Variants in ZNF385D observed in about 807,000 individuals in gnomAD.
ZNF385D encodes zinc finger protein 659.
Under a neutral mutation model 35.8 loss-of-function variants are expected in ZNF385D, and 15 were observed. The observed-to-expected ratio is 0.42, with a 90% CI of 0.28 to 0.64. The LOEUF (loss-of-function observed/expected upper bound fraction) is 0.64. ZNF385D is among the 30% of genes least tolerant of loss of function. The pLI is 0.23. For missense variants in ZNF385D, 474 were observed against 494.6 expected, an observed-to-expected ratio of 0.96 and a Z score of 0.39; for synonymous variants, 212 against 186.8, an observed-to-expected ratio of 1.13 and a Z score of -1.10.
At position 21,889,633 on chromosome 3, in the gene ZNF385D, A is replaced by G. The variant is rs567422843; in HGVS notation, c.326-224605T>C. ...AGAGAAATTCCTCAGGGAGAAAGGA[A>G]GAGGCTCCAGGGGAAGCATAGAGAA... On this transcript the variant is annotated intron_variant, in intron 3 of 5. Coordinates refer to the ZNF385D transcript ENST00000494108. 2.0e-5 allele frequency among the ~76,000 whole-genome samples: 3 copies of G among 152,308 alleles called. No homozygotes were observed. The South Asian group carries it at 6.2e-4, about 32-fold the overall frequency.
intron 2 of ZNF385D, among the ~76,000 whole-genome samples, chr3:22,311,216 T>A (rs938871557): frequency 6.6e-6 from 1 of 152,050 alleles, no homozygotes; most frequent in Admixed American, 6.6e-5. Flanking sequence ...TATAAATTAT[T>A]ACATGAATGC....
intron 2 of ZNF385D, among the ~76,000 whole-genome samples, chr3:21,617,534 C>T (rs77502006): frequency 0.09 from 13,673 of 152,190 alleles, 851 homozygotes; most frequent in East Asian, 0.22. Context: ...ACTTCATCCT[C>T]GGAACAACCC....
At chr3:22,029,706 T>C (rs1396308958) in intron 3 of ZNF385D, among the ~76,000 whole-genome samples, 1 of 152,214 alleles carries the variant, frequency 6.6e-6, no homozygotes, top group Admixed American at 6.5e-5. Flanking sequence ...CATTTAAGTG[T>C]TGTTAACTTT....
intron 3 of ZNF385D, among the ~76,000 whole-genome samples, chr3:22,094,269 A>T (rs1386870343): frequency 6.7e-6 from 1 of 150,056 alleles, no homozygotes; most frequent in Non-Finnish European, 1.5e-5. Flanking sequence ...GTTCCTCAAT[A>T]CATGTATTTA....
intron 2 of ZNF385D, among the ~76,000 whole-genome samples, chr3:22,173,969 C>T (rs999532340): frequency 1.3e-5 from 2 of 151,984 alleles, no homozygotes; most frequent in Non-Finnish European, 2.9e-5. Flanking sequence ...TACACCTCAA[C>T]TGATTCCTTC....
intron 2 of ZNF385D, among the ~76,000 whole-genome samples, chr3:21,586,668 C>T (rs984405544): frequency 8.5e-5 from 13 of 152,098 alleles, no homozygotes; most frequent in African/African-American, 2.4e-4. Flanking sequence ...TGCTGACAAG[C>T]GGGAAGGATG....
intron 2 of ZNF385D, among the ~76,000 whole-genome samples, chr3:22,223,241 A>G (rs1036965616): frequency 5.3e-5 from 8 of 152,254 alleles, no homozygotes; most frequent in South Asian, 4.2e-4. Context: ...AAGAAACAAG[A>G]AATTTAATAT....
intron 3 of ZNF385D, among the ~76,000 whole-genome samples, chr3:21,903,447 G>C (rs1699515435): frequency 1.3e-5 from 2 of 152,154 alleles, no homozygotes; most frequent in Non-Finnish European, 2.9e-5. Context: ...CGGAGTCTCT[G>C]AGGCTGGCTT....
intron 3 of ZNF385D, among the ~76,000 whole-genome samples, chr3:22,124,410 G>C (rs1265405912): frequency 6.6e-6 from 1 of 152,062 alleles, no homozygotes; most frequent in Non-Finnish European, 1.5e-5. Flanking sequence ...ATATCTCTTT[G>C]ATATACTGAT....
chr3:21,859,182 A>G (rs1372716793), intron 3 of ZNF385D, among the ~76,000 whole-genome samples: 1 of 152,056 alleles, frequency 6.6e-6, no homozygotes, highest in Non-Finnish European at 1.5e-5. Flanking sequence ...GATGAAAACC[A>G]AAAAACAGCT....
In ZNF385D at chr3:21,925,682, T is replaced by A. The variant is rs67031262; in HGVS notation, c.325+243135A>T. Among the ~76,000 whole-genome samples, 818 of 151,898 alleles carry A rather than the reference T, an allele frequency of 5.4e-3. 5 individuals are homozygous for A. Among genetic ancestry groups the A allele is most frequent in the Non-Finnish European group, 9.4e-3 (637 of 67,930 alleles). ...CCGAAAGGCCTGTAAAGATGTTGAG[T>A]GGATAACCTACAGACTCTGAGAAAA... On this transcript the variant is annotated intron_variant, in intron 3 of 5. Coordinates refer to the ZNF385D transcript ENST00000494108.
chr3:22,333,781 C>A (rs1054017350), intron 2 of ZNF385D, among the ~76,000 whole-genome samples: 1 of 152,166 alleles, frequency 6.6e-6, no homozygotes, highest in African/African-American at 2.4e-5. Flanking sequence ...TTTCTCCCCT[C>A]TGAGTTGGTG....
At chr3:21,771,921 C>A (rs2071093214) in intron 3 of ZNF385D, among the ~76,000 whole-genome samples, 1 of 151,914 alleles carries the variant, frequency 6.6e-6, no homozygotes, top group Non-Finnish European at 1.5e-5. Context: ...CAGAAATAAA[C>A]CCTCATACAG....
intron 3 of ZNF385D, among the ~76,000 whole-genome samples, chr3:22,138,045 A>G (rs1410914346): frequency 6.6e-6 from 1 of 152,222 alleles, no homozygotes; most frequent in African/African-American, 2.4e-5. Flanking sequence ...GAGCCAAATC[A>G]TGAGTGAACT....
chr3:21,787,420 A>G (rs560890754), intron 3 of ZNF385D, among the ~76,000 whole-genome samples: 3 of 152,306 alleles, frequency 2.0e-5, no homozygotes, highest in Admixed American at 1.3e-4. Flanking sequence ...TTAAAGTCTA[A>G]AAACTAAATG....
At chr3:22,057,405 G>A (rs193298443) in intron 3 of ZNF385D, among the ~76,000 whole-genome samples, 4 of 152,218 alleles carry the variant, frequency 2.6e-5, no homozygotes, top group South Asian at 2.1e-4. Flanking sequence ...ACTTGAAGTA[G>A]GAAAATTGGT....
intron 3 of ZNF385D, among the ~76,000 whole-genome samples, chr3:21,524,219 G>A (rs1388783355): frequency 2.0e-5 from 3 of 151,956 alleles, no homozygotes; most frequent in East Asian, 1.9e-4. Context: ...CTATGTGGTC[G>A]GTAGATTAGA....
At chr3:21,670,324 T>C (rs2125279424) in intron 1 of ZNF385D, among the ~76,000 whole-genome samples, 1 of 151,974 alleles carries the variant, frequency 6.6e-6, no homozygotes, top group South Asian at 2.1e-4. Context: ...TATGTGTTTT[T>C]CAATAATAAG....
At chr3:22,181,025 T>C (rs1695232922) in intron 2 of ZNF385D, among the ~76,000 whole-genome samples, 1 of 151,798 alleles carries the variant, frequency 6.6e-6, no homozygotes, top group South Asian at 2.1e-4. Flanking sequence ...TTAAAATATA[T>C]TTTAATACTT....
Sources: gnomAD v4.1 joint callset for allele counts (sites outside exome capture counted in the v4.1 genomes callset) on GRCh38, gnomAD v4.1.1 for gene constraint, MANE v1.5 for transcripts, NCBI Gene and HGNC (gene_info 2026-07-23, HGNC 2026-07-21) for gene names.